Variants in CAMK1D observed in about 807,000 individuals in gnomAD.
CAMK1D encodes calcium/calmodulin-dependent protein kinase type 1D.
A neutral mutation model predicts 47.7 loss-of-function variants in CAMK1D; 9 were observed. The observed-to-expected ratio is 0.19, with a 90% CI of 0.11 to 0.33. The LOEUF (loss-of-function observed/expected upper bound fraction) is 0.33. CAMK1D is among the 10% of genes least tolerant of loss of function. The pLI, the probability that CAMK1D is intolerant of heterozygous loss-of-function variation, is 1.00. For synonymous variants in CAMK1D, 184 were observed against 184.9 expected (o/e 0.99, Z 0.04); for missense variants, 291 against 488.7 (o/e 0.60, Z 3.81).
At chr10:12,376,049 G>A (rs1209608741) in intron 1 of CAMK1D, among the ~76,000 whole-genome samples, 1 of 150,072 alleles carries the variant, frequency 6.7e-6, no homozygotes, top group Non-Finnish European at 1.5e-5. Context: ...TGTAGTCCCA[G>A]CTACTCGGGA....
At chr10:12,683,851 C>G (rs1019157088) in intron 3 of CAMK1D, among the ~76,000 whole-genome samples, 2 of 151,210 alleles carry the variant, frequency 1.3e-5, no homozygotes, top group African/African-American at 4.9e-5. Context: ...TCAACCCCTC[C>G]AATAACCACT....
chr10:12,516,210 A>T (rs11257848), intron 1 of CAMK1D, among the ~76,000 whole-genome samples: 43,227 of 151,914 alleles, frequency 0.28, 6,349 homozygotes, highest in East Asian at 0.38. Context: ...CCTGGGTTCA[A>T]GCAATTCTCT....
chr10:12,357,150 GTTTTC>G (rs1837542735), intron 1 of CAMK1D, among the ~76,000 whole-genome samples: 1 of 152,044 alleles, frequency 6.6e-6, no homozygotes, highest in Non-Finnish European at 1.5e-5. Context: ...CCGGGGATAT[GTTTTC>G]TTTTTTTACT....
chr10:12,803,887 A>G (rs557627377), intron 6 of CAMK1D, among the ~76,000 whole-genome samples: 1 of 152,248 alleles, frequency 6.6e-6, no homozygotes, highest in East Asian at 1.9e-4. Flanking sequence ...CACTTCTTCA[A>G]ACATACTTTT....
At chr10:12,493,496 T>A (rs1834449611) in intron 1 of CAMK1D, among the ~76,000 whole-genome samples, 1 of 152,138 alleles carries the variant, frequency 6.6e-6, no homozygotes, top group South Asian at 2.1e-4. Flanking sequence ...TTTCTTTTTC[T>A]TCTTTTTTTT....
At chr10:12,743,344 C>T (rs1452453112) in intron 3 of CAMK1D, among the ~76,000 whole-genome samples, 3 of 99,108 alleles carry the variant, frequency 3.0e-5, no homozygotes, top group South Asian at 3.3e-4. Context: ...AAGACCCTGT[C>T]TCAAAAAAAA....
chr10:12,380,978 T>G (rs539294035), intron 1 of CAMK1D, among the ~76,000 whole-genome samples: 2 of 152,264 alleles, frequency 1.3e-5, no homozygotes, highest in South Asian at 4.1e-4. Context: ...AAATGAATGG[T>G]TTGAGGTTGA....
At chr10:12,534,862 G>A (rs753296878) in intron 1 of CAMK1D, among the ~76,000 whole-genome samples, 2 of 150,764 alleles carry the variant, frequency 1.3e-5, no homozygotes, top group Non-Finnish European at 1.5e-5. Context: ...CTAGAATGGC[G>A]AGTCATGTGT....
At chr10:12,828,643 G>GA (rs55888132) in intron 10 of CAMK1D, 126 bp from the exon 11 acceptor site, 268,250 of 460,748 alleles carry the variant, frequency 0.58, 54,916 homozygotes, top group African/African-American at 0.79. Context: ...TCCATCTCAA[G>GA]AAAAAAAAAA....
chr10:12,571,229 G>A (rs549882145), intron 2 of CAMK1D, among the ~76,000 whole-genome samples: 51 of 151,984 alleles, frequency 3.4e-4, no homozygotes, highest in African/African-American at 1.2e-3. Flanking sequence ...GGCAGATCAC[G>A]AGGTTAGGAA....
At chr10:12,776,922 G>C (rs1459225585) in intron 5 of CAMK1D, among the ~76,000 whole-genome samples, 1 of 152,232 alleles carries the variant, frequency 6.6e-6, no homozygotes, top group African/African-American at 2.4e-5. Flanking sequence ...GCCTGAGCTT[G>C]AAACTTGCAC....
chr10:12,731,826 AG>A (rs1834899104), intron 3 of CAMK1D, among the ~76,000 whole-genome samples: 1 of 152,080 alleles, frequency 6.6e-6, no homozygotes. Context: ...ATCAGAGAGG[AG>A]GCTGCTTGAT....
At chr10:12,636,729 G>C (rs983896774) in intron 2 of CAMK1D, among the ~76,000 whole-genome samples, 2 of 152,174 alleles carry the variant, frequency 1.3e-5, no homozygotes, top group Non-Finnish European at 2.9e-5. Flanking sequence ...TTTGGACCCA[G>C]CTTCCTCCAA....
At chr10:12,598,628 C>T (rs1235347401) in intron 2 of CAMK1D, among the ~76,000 whole-genome samples, 1 of 152,114 alleles carries the variant, frequency 6.6e-6, no homozygotes. Flanking sequence ...TGTCATAGAG[C>T]ATCACTGTCT....
At position 12,689,551 on chromosome 10, in the gene CAMK1D, C is replaced by T. The variant is rs568529968; in HGVS notation, c.299+22741C>T. Among the ~76,000 whole-genome samples the T allele has an allele frequency of 1.9e-4, 29 of 152,082 alleles. No homozygotes were observed. In the East Asian group the frequency reaches 2.5e-3, roughly 13 times the overall value. ...CAGCACTTTGGGAGGCCGAGGCGGGCGGATCACCTGAGGCCAGGAGTTGGA... is the reference window on the plus strand; with the variant it reads ...CAGCACTTTGGGAGGCCGAGGCGGGTGGATCACCTGAGGCCAGGAGTTGGA... On this transcript the variant is annotated intron_variant, in intron 3 of 10. Coordinates refer to ENST00000619168, the MANE Select transcript of CAMK1D (RefSeq NM_153498.4).
At chr10:12,441,260 C>T (rs542640822) in intron 1 of CAMK1D, among the ~76,000 whole-genome samples, 16 of 152,272 alleles carry the variant, frequency 1.1e-4, no homozygotes, top group Admixed American at 9.2e-4. Context: ...TGCAGTGGTG[C>T]GACCTCGGCT....
At chr10:12,352,863 A>C (rs1443303871) in intron 1 of CAMK1D, among the ~76,000 whole-genome samples, 1 of 150,760 alleles carries the variant, frequency 6.6e-6, no homozygotes, top group Non-Finnish European at 1.5e-5. Flanking sequence ...CAGCCTCCCG[A>C]GTAACTGGGA....
chr10:12,694,396 T>TGTC (rs1337153358), intron 3 of CAMK1D, among the ~76,000 whole-genome samples: 1 of 69,602 alleles, frequency 1.4e-5, no homozygotes, highest in African/African-American at 6.3e-5. Context: ...ATATGTTATA[T>TGTC]ATCATATATA....
At chr10:12,668,027 A>G (rs950637228) in intron 3 of CAMK1D, among the ~76,000 whole-genome samples, 8 of 152,190 alleles carry the variant, frequency 5.3e-5, no homozygotes, top group Non-Finnish European at 8.8e-5. Flanking sequence ...CAGCCATGGT[A>G]TAAGTCAAAG....
Sources: allele counts gnomAD v4.1 joint callset (sites outside exome capture counted in the v4.1 genomes callset), GRCh38; gene constraint gnomAD v4.1.1; transcripts MANE v1.5; gene names NCBI Gene and HGNC (gene_info 2026-07-23, HGNC 2026-07-21).